The following VTI1A variants were observed in gnomAD, a reference collection of about 807,000 sequenced individuals.
The protein encoded by VTI1A is vesicle transport through interaction with t-SNAREs homolog 1A.
A neutral mutation model predicts 34.9 loss-of-function variants in VTI1A; 22 were observed. That is an observed-to-expected ratio of 0.63 (90% CI 0.45 to 0.90). The LOEUF (loss-of-function observed/expected upper bound fraction) is 0.90. Among genes scored for constraint, VTI1A ranks in the 40% least tolerant of loss-of-function variants. VTI1A has a pLI of 0.00. For synonymous variants in VTI1A, 87 were observed against 97.3 expected (o/e 0.89, Z 0.62); for missense variants, 268 against 275.6 (o/e 0.97, Z 0.20).
At chr10:112,505,987 G>A (rs923362148) in intron 3 of VTI1A, among the ~76,000 whole-genome samples, 3 of 152,096 alleles carry the variant, frequency 2.0e-5, no homozygotes, top group Non-Finnish European at 1.5e-5. Context: ...GTCTCTTACT[G>A]TGCCTAATTT....
chr10:112,553,986 T>C (rs1217509955), intron 5 of VTI1A, among the ~76,000 whole-genome samples: 2 of 152,196 alleles, frequency 1.3e-5, no homozygotes, highest in East Asian at 1.9e-4. Context: ...AGTGAAAGGA[T>C]AGATGACTTA....
At chr10:112,702,582 G>A (rs1849047189) in intron 7 of VTI1A, among the ~76,000 whole-genome samples, 1 of 151,574 alleles carries the variant, frequency 6.6e-6, no homozygotes, top group African/African-American at 2.4e-5. Context: ...ACCACACCCA[G>A]CTAATTTATT....
chr10:112,492,314 C>T (rs1848854820), intron 3 of VTI1A, among the ~76,000 whole-genome samples: 1 of 152,094 alleles, frequency 6.6e-6, no homozygotes, highest in South Asian at 2.1e-4. Context: ...AAAATAACAA[C>T]AAGAAACATC....
intron 5 of VTI1A, among the ~76,000 whole-genome samples, chr10:112,607,041 C>T (rs1306003464): frequency 1.3e-5 from 2 of 152,204 alleles, no homozygotes; most frequent in African/African-American, 2.4e-5. Context: ...AATCCAGGCA[C>T]TTTGGGAGGC....
At chr10:112,591,886 C>T (rs569151925) in intron 5 of VTI1A, among the ~76,000 whole-genome samples, 13 of 152,296 alleles carry the variant, frequency 8.5e-5, no homozygotes, top group African/African-American at 2.9e-4. Context: ...AACCAGTGGG[C>T]CTAATCCAAT....
intron 1 of VTI1A, among the ~76,000 whole-genome samples, chr10:112,454,712 CAA>C (rs10711229): frequency 0.063 from 8,502 of 134,526 alleles, 272 homozygotes; most frequent in Non-Finnish European, 0.082. Context: ...GCTTATAGAC[CAA>C]AAAAAAAAAA....
intron 7 of VTI1A, among the ~76,000 whole-genome samples, chr10:112,747,726 A>G (rs1850948735): frequency 6.6e-6 from 1 of 152,152 alleles, no homozygotes; most frequent in African/African-American, 2.4e-5. Context: ...GGTTGTGTAG[A>G]AGGAGGCCCT....
chr10:112,693,781 A>G (rs1198903408), intron 7 of VTI1A, among the ~76,000 whole-genome samples: 2 of 152,236 alleles, frequency 1.3e-5, no homozygotes, highest in African/African-American at 4.8e-5. Context: ...CAAGATAAAT[A>G]TGCACTTGGA....
At chr10:112,762,630 A>G (rs1357455877) in intron 7 of VTI1A, among the ~76,000 whole-genome samples, 3 of 152,246 alleles carry the variant, frequency 2.0e-5, no homozygotes, top group Admixed American at 1.3e-4. Flanking sequence ...AAAAAGGACT[A>G]CAGGTCATTG....
At chr10:112,597,843 G>A (rs1225978027) in intron 5 of VTI1A, among the ~76,000 whole-genome samples, 2 of 151,392 alleles carry the variant, frequency 1.3e-5, no homozygotes, top group African/African-American at 4.8e-5. Context: ...GACCACAGGC[G>A]CCCGCCACCA....
rs937816637 is a variant in VTI1A at position 112,771,420 on chromosome 10, A to G, written c.561-43870A>G. On this transcript the variant is annotated intron_variant, in intron 7 of 7. Transcript: ENST00000393077. ...CACCCCTGCCCACATGAGGCCGACC[A>G]TAGGAACTGGGGAGGGAACAGGAGA... is the stretch of plus-strand genomic sequence containing the variant. 2.0e-5 allele frequency among the ~76,000 whole-genome samples: 3 copies of G among 152,222 alleles called. No individual in the cohort carries two copies. In the East Asian group the frequency reaches 5.8e-4, roughly 29 times the overall value.
Position 112,596,676 on chromosome 10 carries a change from C to T in VTI1A, c.427+58346C>T, listed in dbSNP as rs115352126. Among the ~76,000 whole-genome samples the T allele has an allele frequency of 1.9e-3, 291 of 152,284 alleles. 1 individual carries two copies. Among genetic ancestry groups the T allele is most frequent in the African/African-American group, 6.6e-3 (276 of 41,566 alleles). ...TAATTTTCCTTTCCCTAAACCTTCT[C>T]TCACATTGAGCAGAAGGTATGCTTG... On this transcript the variant is annotated intron_variant, in intron 5 of 7. Transcript: ENST00000393077.
intron 7 of VTI1A, among the ~76,000 whole-genome samples, chr10:112,720,911 T>C (rs1011369860): frequency 3.3e-5 from 5 of 152,146 alleles, no homozygotes; most frequent in Admixed American, 2.6e-4. Flanking sequence ...ATTCTCTGTT[T>C]ATTTTAGAGA....
chr10:112,760,948 A>G (rs1851444471), intron 7 of VTI1A, among the ~76,000 whole-genome samples: 1 of 152,132 alleles, frequency 6.6e-6, no homozygotes, highest in Non-Finnish European at 1.5e-5. Context: ...ATTGATGTAT[A>G]ATATTAACTT....
chr10:112,814,709 G>A (rs564223269), intron 7 of VTI1A, among the ~76,000 whole-genome samples: 54 of 152,252 alleles, frequency 3.5e-4, no homozygotes, highest in African/African-American at 1.3e-3. Context: ...CAAATGTAAC[G>A]TTTCCTCCTA....
chr10:112,520,534 G>GT (rs1230227308), intron 3 of VTI1A, among the ~76,000 whole-genome samples: 4 of 151,662 alleles, frequency 2.6e-5, no homozygotes, highest in African/African-American at 9.7e-5. Context: ...TATGGGCAGA[G>GT]TTCCTAATAT....
intron 7 of VTI1A, among the ~76,000 whole-genome samples, chr10:112,739,014 A>T (rs1850596399): frequency 6.6e-6 from 1 of 152,302 alleles, no homozygotes; most frequent in East Asian, 1.9e-4. Context: ...GTCAGAGGCC[A>T]TCATGCTGCC....
chr10:112,548,231 C>T (rs1467007344), intron 5 of VTI1A, among the ~76,000 whole-genome samples: 2 of 152,254 alleles, frequency 1.3e-5, no homozygotes, highest in East Asian at 3.9e-4. Context: ...TTAATCAACT[C>T]AGTATAGAAT....
chr10:112,551,621 G>A (rs562274669), intron 5 of VTI1A, among the ~76,000 whole-genome samples: 247 of 152,272 alleles, frequency 1.6e-3, no homozygotes, highest in African/African-American at 5.1e-3. Flanking sequence ...CCTTTAATAA[G>A]CTGGAATATC....
Sources: allele counts gnomAD v4.1 joint callset (sites outside exome capture counted in the v4.1 genomes callset), GRCh38; gene constraint gnomAD v4.1.1; transcripts MANE v1.5; gene names NCBI Gene and HGNC (gene_info 2026-07-23, HGNC 2026-07-21).